SHANK2: variants seen among roughly 807,000 people sequenced by gnomAD.
SHANK2 encodes the protein SH3 and multiple ankyrin repeat domains 2.
A neutral mutation model predicts 133.7 loss-of-function variants in SHANK2; 43 were observed. The observed-to-expected ratio is 0.32, with a 90% confidence interval of 0.25 to 0.41. SHANK2 has a LOEUF of 0.41. Among genes scored for constraint, SHANK2 ranks in the 10% least tolerant of loss-of-function variants. The pLI, the probability that SHANK2 is intolerant of heterozygous loss-of-function variation, is 1.00. For missense variants in SHANK2, 1,994 were observed against 2,235.8 expected, an observed-to-expected ratio of 0.89 and a Z score of 2.18; for synonymous variants, 1,017 against 952.8, an observed-to-expected ratio of 1.07 and a Z score of -1.24.
intron 12 of SHANK2, among the ~76,000 whole-genome samples, chr11:70,815,791 G>T (rs1948380963): frequency 6.6e-6 from 1 of 152,212 alleles, no homozygotes; most frequent in South Asian, 2.1e-4. Flanking sequence ...GGTGTGACCT[G>T]AGGCTGGTTC....
At chr11:70,879,944 T>C (rs1484407186) in intron 11 of SHANK2, among the ~76,000 whole-genome samples, 1 of 152,196 alleles carries the variant, frequency 6.6e-6, no homozygotes, top group Non-Finnish European at 1.5e-5. Flanking sequence ...TTCCTGGCTT[T>C]TGAGGGTAGC....
intron 2 of SHANK2, among the ~76,000 whole-genome samples, chr11:71,186,167 A>G (rs1030879263): frequency 1.3e-5 from 2 of 152,312 alleles, no homozygotes; most frequent in East Asian, 3.9e-4. Flanking sequence ...CATTCACCTT[A>G]CTGTCACTGA....
chr11:71,104,498 G>A (rs79642271), intron 6 of SHANK2, among the ~76,000 whole-genome samples: 4,940 of 152,264 alleles, frequency 0.032, 261 homozygotes, highest in African/African-American at 0.11. Flanking sequence ...CAAAGTGAAG[G>A]TGGTGTCTTC....
chr11:70,654,452 A>T (rs1279925380), intron 17 of SHANK2: 6 of 152,226 alleles, frequency 3.9e-5, no homozygotes, highest in African/African-American at 1.4e-4. Flanking sequence ...AGAAAGAGAA[A>T]ATAACACAAT....
chr11:70,629,621 C>G (rs1236342161), intron 17 of SHANK2, among the ~76,000 whole-genome samples: 2 of 152,120 alleles, frequency 1.3e-5, no homozygotes, highest in Non-Finnish European at 2.9e-5. Flanking sequence ...CTGCCACAGC[C>G]GCTACTGCTA....
chr11:70,793,841 G>A (rs1316324323), intron 14 of SHANK2, among the ~76,000 whole-genome samples: 1 of 152,274 alleles, frequency 6.6e-6, no homozygotes, highest in East Asian at 1.9e-4. Context: ...AAAAATGTAT[G>A]TCCTTAAAAA....
At chr11:70,770,914 CCT>C (rs1947235228) in intron 14 of SHANK2, among the ~76,000 whole-genome samples, 1 of 124,216 alleles carries the variant, frequency 8.1e-6, no homozygotes, top group Non-Finnish European at 1.7e-5. Context: ...CCTCTTACTT[CCT>C]TTTTTTTTTT....
At chr11:71,088,425 C>T (rs1311153220) in intron 8 of SHANK2, among the ~76,000 whole-genome samples, 1 of 152,188 alleles carries the variant, frequency 6.6e-6, no homozygotes, top group Non-Finnish European at 1.5e-5. Context: ...CCAGCGACAT[C>T]AAATGACAGT....
chr11:70,908,908 C>T (rs1555078487), intron 10 of SHANK2, among the ~76,000 whole-genome samples: 2 of 152,178 alleles, frequency 1.3e-5, no homozygotes, highest in South Asian at 2.1e-4. Flanking sequence ...AAACTGGCCA[C>T]CTCCTTGGAG....
At chr11:71,058,855 C>T (rs1950952893) in intron 9 of SHANK2, among the ~76,000 whole-genome samples, 1 of 152,268 alleles carries the variant, frequency 6.6e-6, no homozygotes, top group Admixed American at 6.5e-5. Flanking sequence ...TCCCTGGGAA[C>T]AGCAAAATGC....
chr11:70,502,610 C>T (rs533158895), intron 18 of SHANK2, among the ~76,000 whole-genome samples, 186 bp downstream of exon 18: 2 of 152,224 alleles, frequency 1.3e-5, no homozygotes, highest in South Asian at 4.1e-4. Context: ...ATTCCGGCAG[C>T]GTGTGAGCCC....
chr11:71,091,781 T>C (rs782565990), intron 8 of SHANK2, among the ~76,000 whole-genome samples: 14 of 152,076 alleles, frequency 9.2e-5, no homozygotes, highest in Admixed American at 2.0e-4. Context: ...CCCGGGAGCA[T>C]CATCTCCTCT....
intron 25 of SHANK2, among the ~76,000 whole-genome samples, chr11:70,480,756 C>A (rs1411259575): frequency 2.0e-5 from 3 of 152,190 alleles, no homozygotes; most frequent in African/African-American, 7.2e-5. Context: ...TACTCTCTAG[C>A]CTCAGCCTGG....
Position 70,486,629 on chromosome 11 carries a change from C to A in SHANK2, c.3664G>T (p.Ala1222Ser), listed in dbSNP as rs1555153741. The change falls in exon 25 of 26, where the codon GCA becomes TCA. Residue 1222 changes from alanine (A) to serine (S), a missense_variant. Coordinates refer to ENST00000601538, the MANE Select transcript of SHANK2 (RefSeq NM_012309.5). The surrounding 1 kb of genome is among the most constrained non-coding windows in gnomAD (Gnocchi z 8.0). Reference protein sequence around the residue: ...PSSPLALALSARDRAMKESQQ... With the variant: ...PSSPLALALSSRDRAMKESQQ... ...GACTCCTTCATGGCTCGGTCCCTTGCGGAGAGTGCCAGGGCCAGCGGGGAG... is the reference window on the plus strand; with the variant it reads ...GACTCCTTCATGGCTCGGTCCCTTGAGGAGAGTGCCAGGGCCAGCGGGGAG... 2 of 1,613,120 alleles carry A rather than the reference C, an allele frequency of 1.2e-6. No homozygotes were observed. The highest frequency in any genetic ancestry group is 1.7e-6 in the Non-Finnish European group (2 of 1,179,994).
At chr11:70,765,795 C>T (rs1947108575) in intron 14 of SHANK2, among the ~76,000 whole-genome samples, 3 of 152,156 alleles carry the variant, frequency 2.0e-5, no homozygotes, top group African/African-American at 7.2e-5. Context: ...TTTCCCCATA[C>T]ATGAAATAAG....
chr11:71,137,287 A>G (rs1555104947), intron 3 of SHANK2, among the ~76,000 whole-genome samples: 1 of 140,552 alleles, frequency 7.1e-6, no homozygotes, highest in African/African-American at 2.7e-5. Flanking sequence ...AATAAGTATT[A>G]AAATCCTTAC....
chr11:70,653,728 T>C (rs1265304614), intron 17 of SHANK2, among the ~76,000 whole-genome samples: 2 of 152,190 alleles, frequency 1.3e-5, no homozygotes, highest in Admixed American at 1.3e-4. Context: ...GGACTGCTAG[T>C]CAGAGGCGCT....
At chr11:70,653,268 C>T (rs1194058486) in intron 17 of SHANK2, among the ~76,000 whole-genome samples, 12 of 152,224 alleles carry the variant, frequency 7.9e-5, no homozygotes, top group Non-Finnish European at 1.0e-4. Context: ...CCACTGCACC[C>T]GGCCTGGACT....
chr11:71,210,250 ATATTTATT>A (rs1555118714), intron 2 of SHANK2, among the ~76,000 whole-genome samples: 1 of 85,512 alleles, frequency 1.2e-5, no homozygotes, highest in African/African-American at 6.6e-5. Flanking sequence ...ATATATATAT[ATATTTATT>A]TATTTTTTGA....
Sources: gnomAD v4.1 joint callset for allele counts (sites outside exome capture counted in the v4.1 genomes callset) on GRCh38, gnomAD v4.1.1 for gene constraint, Gnocchi (gnomAD v3.1) non-coding constraint, MANE v1.5 for transcripts, NCBI Gene and HGNC (gene_info 2026-07-23, HGNC 2026-07-21) for gene names.